Variants in LDB2 observed in about 807,000 individuals in gnomAD.
LDB2 encodes LIM domain-binding protein 2.
LDB2 carries 12 observed loss-of-function variants against 44.3 expected under a neutral mutation model. The observed-to-expected ratio is 0.27, with a 90% CI of 0.17 to 0.44. LDB2 has a LOEUF of 0.44. Ranked by LOEUF, LDB2 falls within the 20% of genes least tolerant of loss-of-function variation. The pLI, the probability that LDB2 is intolerant of heterozygous loss-of-function variation, is 1.00. For missense variants in LDB2, 344 were observed against 473.5 expected (o/e 0.73, Z 2.54); for synonymous variants, 164 against 174.8 (o/e 0.94, Z 0.49).
intron 1 of LDB2, among the ~76,000 whole-genome samples, chr4:16,897,375 C>T (rs1333497886): frequency 2.0e-5 from 3 of 152,134 alleles, no homozygotes; most frequent in Admixed American, 6.5e-5. Context: ...TAACAAACTC[C>T]TTTTCCGAAC....
At chr4:16,670,826 A>G (rs1340228179) in intron 2 of LDB2, among the ~76,000 whole-genome samples, 4 of 152,218 alleles carry the variant, frequency 2.6e-5, no homozygotes, top group Admixed American at 2.6e-4. Context: ...GACATGTAAT[A>G]AGGGGTATGT....
At chr4:16,862,846 G>A (rs1444947811) in intron 1 of LDB2, among the ~76,000 whole-genome samples, 1 of 152,126 alleles carries the variant, frequency 6.6e-6, no homozygotes, top group Non-Finnish European at 1.5e-5. Flanking sequence ...CTCCGCCCCC[G>A]AAGTCCAGCA....
chr4:16,638,235 A>G (rs1156492437), intron 2 of LDB2, among the ~76,000 whole-genome samples: 1 of 152,170 alleles, frequency 6.6e-6, no homozygotes, highest in African/African-American at 2.4e-5. Flanking sequence ...ATACTACGCA[A>G]AGACAGCCCC....
rs148255672 is a variant in LDB2, at chr4:16,876,280, G to C, written c.132+22074C>G. Among the ~76,000 whole-genome samples, 234 of 152,270 alleles carry C rather than the reference G, an allele frequency of 1.5e-3. 1 individual carries two copies. Among genetic ancestry groups the C allele is most frequent in the Non-Finnish European group, 2.5e-3 (168 of 68,020 alleles). Reference sequence around the variant, plus strand: ...GAGTTGATTGATAATTTATGCAATGGTAATATTCCACTGCATTTAAATCTA... The same window carrying C: ...GAGTTGATTGATAATTTATGCAATGCTAATATTCCACTGCATTTAAATCTA... On this transcript the variant is annotated intron_variant, in intron 1 of 7. Coordinates refer to ENST00000304523, the MANE Select transcript of LDB2 (RefSeq NM_001290.5).
In LDB2 at chr4:16,591,404, A is replaced by G. The variant is rs557361085; in HGVS notation, c.409-2572T>C. Among the ~76,000 whole-genome samples the G allele has an allele frequency of 4.0e-4, 61 of 152,198 alleles. 1 individual carries two copies. Among genetic ancestry groups the G allele is most frequent in the Non-Finnish European group, 7.1e-4 (48 of 68,030 alleles). ...CATGGGCCTACAAATGGAAAATTGC[A>G]GCAGGCCTTGGGCTCCTCCTAGTTT... On this transcript the variant is annotated intron_variant, in intron 3 of 7. Transcript: ENST00000304523.
rs531356118 is a variant in LDB2 at position 16,800,364 on chromosome 4, AC to A, written c.133-41105del. ...GACCAGTCTCTGCATCTGTTTATAAACCTATTTCACCATTCTTTTAGTGCAT... is the reference window on the plus strand; with the variant it reads ...GACCAGTCTCTGCATCTGTTTATAAACTATTTCACCATTCTTTTAGTGCAT... On this transcript the variant is annotated intron_variant, in intron 1 of 7. Coordinates refer to ENST00000304523, the MANE Select transcript of LDB2 (RefSeq NM_001290.5). Among the ~76,000 whole-genome samples, 24 of 152,294 alleles carry A rather than the reference AC, an allele frequency of 1.6e-4. No individual in the cohort carries two copies. In the South Asian group the frequency reaches 5.0e-3, roughly 32 times the overall value.
chr4:16,642,909 G>C (rs1179478801), intron 2 of LDB2, among the ~76,000 whole-genome samples: 2 of 152,192 alleles, frequency 1.3e-5, no homozygotes, highest in Non-Finnish European at 2.9e-5. Flanking sequence ...GAAAATTGTA[G>C]AGGGGTGGCA....
At chr4:16,538,430 A>AAAACAAAACAAAACAAAACAAAAAC (rs1553887307) in intron 5 of LDB2, among the ~76,000 whole-genome samples, 128 of 152,062 alleles carry the variant, frequency 8.4e-4, no homozygotes, top group African/African-American at 2.9e-3. Flanking sequence ...AAACAAAAAC[A>AAAACAAAACAAAACAAAACAAAAAC]AAAACAAAAC....
At chr4:16,808,158 C>T (rs1036772051) in intron 1 of LDB2, among the ~76,000 whole-genome samples, 1 of 152,136 alleles carries the variant, frequency 6.6e-6, no homozygotes, top group Middle Eastern at 3.2e-3. Flanking sequence ...TTACAGTGGA[C>T]GTCTCTCTTC....
At chr4:16,705,590 TACC>T (rs1019481494) in intron 2 of LDB2, among the ~76,000 whole-genome samples, 2 of 152,336 alleles carry the variant, frequency 1.3e-5, no homozygotes, top group African/African-American at 2.4e-5. Flanking sequence ...TGCCCTAGCC[TACC>T]ACAGTCCCAT....
chr4:16,630,232 T>G (rs1322542120), intron 2 of LDB2, among the ~76,000 whole-genome samples: 2 of 152,114 alleles, frequency 1.3e-5, no homozygotes. Flanking sequence ...AGACTAACAG[T>G]GATGTCTCTG....
intron 2 of LDB2, among the ~76,000 whole-genome samples, chr4:16,608,233 A>G (rs903944): frequency 6.8e-6 from 1 of 148,142 alleles, no homozygotes; most frequent in Non-Finnish European, 1.5e-5. Flanking sequence ...AAAAAAGACT[A>G]TTTGCATGCC....
intron 2 of LDB2, among the ~76,000 whole-genome samples, chr4:16,604,205 A>C (rs1723308537): frequency 6.6e-6 from 1 of 152,168 alleles, no homozygotes; most frequent in South Asian, 2.1e-4. Flanking sequence ...TTGGATACTT[A>C]ACATTTCTTA....
At chr4:16,684,534 T>G (rs1029503696) in intron 2 of LDB2, among the ~76,000 whole-genome samples, 4 of 152,274 alleles carry the variant, frequency 2.6e-5, no homozygotes, top group African/African-American at 9.6e-5. Context: ...ATTGAGCTGC[T>G]GACAGAGTAT....
chr4:16,604,653 G>A (rs981101935), intron 2 of LDB2, among the ~76,000 whole-genome samples: 1 of 151,716 alleles, frequency 6.6e-6, no homozygotes, highest in Non-Finnish European at 1.5e-5. Context: ...AGTACTAAAT[G>A]TTGATTTGAG....
At chr4:16,512,363 C>T (rs1004227633) in intron 5 of LDB2, among the ~76,000 whole-genome samples, 6 of 152,192 alleles carry the variant, frequency 3.9e-5, no homozygotes, top group East Asian at 3.9e-4. Context: ...CACACATATA[C>T]GTGTACACAC....
At chr4:16,783,353 CA>C (rs1164152657) in intron 1 of LDB2, among the ~76,000 whole-genome samples, 1 of 152,222 alleles carries the variant, frequency 6.6e-6, no homozygotes, top group African/African-American at 2.4e-5. Context: ...CATGGATGGC[CA>C]AATCCTGCAT....
In LDB2 at chr4:16,715,826, C is replaced by T. The variant is rs949210636; in HGVS notation, c.235+43332G>A. ...AAGAAGGAGTCAACCACAAGGAATA[C>T]GTGTGCATGGAAGTGGTGGTGCTGC... On this transcript the variant is annotated intron_variant, in intron 2 of 7. Transcript: ENST00000304523. Among the ~76,000 whole-genome samples, 8 of 152,084 alleles carry T rather than the reference C, an allele frequency of 5.3e-5. No individual in the cohort carries two copies. In the South Asian group the frequency reaches 1.0e-3, roughly 20 times the overall value.
chr4:16,722,692 C>G (rs552113847), intron 2 of LDB2, among the ~76,000 whole-genome samples: 5 of 152,056 alleles, frequency 3.3e-5, no homozygotes, highest in African/African-American at 7.2e-5. Context: ...TGCCAACTTT[C>G]CTACGTCAGG....
Sources: allele counts gnomAD v4.1 joint callset (sites outside exome capture counted in the v4.1 genomes callset), GRCh38; gene constraint gnomAD v4.1.1; transcripts MANE v1.5; gene names NCBI Gene and HGNC (gene_info 2026-07-23, HGNC 2026-07-21).